The following KCNQ5 variants were observed in gnomAD, a reference collection of about 807,000 sequenced individuals.
KCNQ5 encodes the protein potassium voltage-gated channel subfamily Q member 5, also known as potassium voltage-gated channel subfamily KQT member 5.
KCNQ5 carries 30 observed loss-of-function variants against 98.2 expected under a neutral mutation model. The ratio of observed to expected loss-of-function variants is 0.31; its 90% CI spans 0.23 to 0.41. The LOEUF (loss-of-function observed/expected upper bound fraction) is 0.41. KCNQ5 is among the 10% of genes least tolerant of loss of function. KCNQ5 has a pLI of 1.00. For missense variants in KCNQ5, 835 were observed against 1,182.5 expected, an observed-to-expected ratio of 0.71 and a Z score of 4.31; for synonymous variants, 458 against 449.4, an observed-to-expected ratio of 1.02 and a Z score of -0.24.
Position 73,195,196 on chromosome 6 carries a change from T to C in KCNQ5, c.2581T>C (p.Tyr861His). The change falls in exon 14 of 14, where the codon TAC becomes CAC. Residue 861 changes from tyrosine (Y) to histidine (H), a missense_variant. Tyr to His is a moderately conservative substitution (Grantham distance 83). Around this residue, in one of 10 missense-constraint regions of KCNQ5, gnomAD observed 416 missense variants for 446.9 expected, o/e 0.93. Coordinates refer to ENST00000370398, the MANE Select transcript of KCNQ5 (RefSeq NM_019842.4). Reference sequence around the variant, plus strand: ...TGGCTCCAGAGGCAGCCAAGATTTTTACCCCAAATGGAGGGAATCCAAATT... The same window carrying C: ...TGGCTCCAGAGGCAGCCAAGATTTTCACCCCAAATGGAGGGAATCCAAATT... ...SSGSRGSQDF[Y>H]PKWRESKLFI... is the part of the protein sequence containing the mutation. 6.2e-7 allele frequency: 1 copy of C among 1,614,198 alleles called. No individual in the cohort carries two copies. Among genetic ancestry groups the C allele is most frequent in the Admixed American group, 1.7e-5 (1 of 60,016 alleles).
At chr6:72,896,827 G>T (rs966501657) in intron 1 of KCNQ5, among the ~76,000 whole-genome samples, 1 of 152,110 alleles carries the variant, frequency 6.6e-6, no homozygotes, top group African/African-American at 2.4e-5. Context: ...TGGTCACAGA[G>T]CCATCTCTCA....
At chr6:73,146,742 A>G (rs1468504047) in intron 10 of KCNQ5, among the ~76,000 whole-genome samples, 1 of 151,474 alleles carries the variant, frequency 6.6e-6, no homozygotes, top group Non-Finnish European at 1.5e-5. Context: ...AGCAGTGACT[A>G]TCCCAGTGAT....
At chr6:73,028,364 C>T (rs1003748685) in intron 2 of KCNQ5, among the ~76,000 whole-genome samples, 30 of 152,120 alleles carry the variant, frequency 2.0e-4, no homozygotes, top group Admixed American at 1.6e-3. Flanking sequence ...GGGATGCAAA[C>T]GAGAGAGGCA....
chr6:72,832,498 A>G (rs939777818), intron 1 of KCNQ5, among the ~76,000 whole-genome samples: 2 of 152,128 alleles, frequency 1.3e-5, no homozygotes, highest in African/African-American at 4.8e-5. Flanking sequence ...ACAGCCCCAC[A>G]ACAAAGGATT....
At chr6:72,682,533 A>C (rs890582164) in intron 1 of KCNQ5, among the ~76,000 whole-genome samples, 5 of 151,910 alleles carry the variant, frequency 3.3e-5, no homozygotes, top group African/African-American at 1.2e-4. Flanking sequence ...CTCAGACATC[A>C]AGTGCTTCAA....
chr6:72,961,081 GC>G (rs1170929584), intron 1 of KCNQ5, among the ~76,000 whole-genome samples: 18 of 152,196 alleles, frequency 1.2e-4, no homozygotes, highest in African/African-American at 4.3e-4. Context: ...ACCAGCCTGG[GC>G]AACATAGTGA....
In KCNQ5 at chr6:72,739,883, G is replaced by A. The variant is rs1771041390; in HGVS notation, c.398+117296G>A. ...GAATATTTATAGCACTGTAAGTTTAGGCTATTATATTAATTATCTATCTCT... is the reference window on the plus strand; with the variant it reads ...GAATATTTATAGCACTGTAAGTTTAAGCTATTATATTAATTATCTATCTCT... On this transcript the variant is annotated intron_variant, in intron 1 of 13. Transcript: ENST00000370398. 2.0e-5 allele frequency among the ~76,000 whole-genome samples: 3 copies of A among 152,112 alleles called. No individual in the cohort carries two copies. In the South Asian group the frequency reaches 6.2e-4, roughly 32 times the overall value.
chr6:72,787,920 T>A (rs1273623301), intron 1 of KCNQ5, among the ~76,000 whole-genome samples: 1 of 152,258 alleles, frequency 6.6e-6, no homozygotes, highest in African/African-American at 2.4e-5. Flanking sequence ...TATGTGCTGC[T>A]TTAATAGGTT....
intron 2 of KCNQ5, among the ~76,000 whole-genome samples, chr6:73,028,435 A>G (rs963242684): frequency 6.6e-6 from 1 of 152,176 alleles, no homozygotes; most frequent in African/African-American, 2.4e-5. Context: ...CAAGAGGAGA[A>G]TCCACTGCTG....
At chr6:73,157,996 T>A in intron 10 of KCNQ5, 1 of 743,908 alleles carries the variant, frequency 1.3e-6, no homozygotes, top group South Asian at 1.4e-5. Flanking sequence ...GGCCGGAAGA[T>A]CAAGTAGGGT....
intron 11 of KCNQ5, among the ~76,000 whole-genome samples, chr6:73,175,961 G>A (rs1406686267): frequency 6.6e-6 from 1 of 152,064 alleles, no homozygotes; most frequent in East Asian, 1.9e-4. Flanking sequence ...GCTGGGCAGA[G>A]AGAACTGCAA....
intron 1 of KCNQ5, among the ~76,000 whole-genome samples, chr6:72,996,285 C>G (rs1331837457): frequency 6.6e-6 from 1 of 152,152 alleles, no homozygotes; most frequent in Non-Finnish European, 1.5e-5. Flanking sequence ...CTCTTGGCAT[C>G]CAAGGCAAGG....
At chr6:73,020,411 G>C (rs988674254) in intron 2 of KCNQ5, among the ~76,000 whole-genome samples, 10 of 152,148 alleles carry the variant, frequency 6.6e-5, no homozygotes, top group Non-Finnish European at 1.5e-4. Flanking sequence ...AGATGCATAG[G>C]GCAAGGTTAT....
chr6:73,152,414 C>A (rs1181278256), intron 10 of KCNQ5, among the ~76,000 whole-genome samples: 1 of 152,018 alleles, frequency 6.6e-6, no homozygotes, highest in Admixed American at 6.6e-5. Flanking sequence ...AAACCTCTTA[C>A]TAAGATTTTC....
At chr6:73,056,803 G>A (rs1772522043) in intron 3 of KCNQ5, among the ~76,000 whole-genome samples, 1 of 152,106 alleles carries the variant, frequency 6.6e-6, no homozygotes, top group African/African-American at 2.4e-5. Flanking sequence ...AGTTAGAATG[G>A]TGATCATTAA....
At chr6:72,925,665 G>C (rs1487375990) in intron 1 of KCNQ5, among the ~76,000 whole-genome samples, 1 of 152,098 alleles carries the variant, frequency 6.6e-6, no homozygotes, top group Non-Finnish European at 1.5e-5. Context: ...ATGTTCAACA[G>C]CAGGGTTAAA....
At chr6:72,780,255 G>A (rs1352237343) in intron 1 of KCNQ5, among the ~76,000 whole-genome samples, 1 of 152,142 alleles carries the variant, frequency 6.6e-6, no homozygotes, top group East Asian at 1.9e-4. Flanking sequence ...CCGACTCCAA[G>A]CCATATGTTA....
At chr6:72,896,473 A>G (rs1220602577) in intron 1 of KCNQ5, among the ~76,000 whole-genome samples, 1 of 152,168 alleles carries the variant, frequency 6.6e-6, no homozygotes, top group Admixed American at 6.5e-5. Context: ...TCGAATTTCA[A>G]TTACCAAGAA....
intron 1 of KCNQ5, among the ~76,000 whole-genome samples, chr6:72,838,277 G>A: frequency 6.6e-6 from 1 of 151,592 alleles, no homozygotes; most frequent in Non-Finnish European, 1.5e-5. Flanking sequence ...TGCTTCTTGT[G>A]CAGTGTGCTA....
Sources: gnomAD v4.1 joint callset for allele counts (sites outside exome capture counted in the v4.1 genomes callset) on GRCh38, gnomAD v4.1.1 for gene constraint, gnomAD v4.1.1 regional missense constraint, MANE v1.5 for transcripts, NCBI Gene and HGNC (gene_info 2026-07-23, HGNC 2026-07-21) for gene names.